The following HAS3 variants were observed in gnomAD, a reference collection of about 807,000 sequenced individuals.
The protein encoded by HAS3 is hyaluronan synthase 3.
Under a neutral mutation model 50.3 loss-of-function variants are expected in HAS3, and 27 were observed. That is an observed-to-expected ratio of 0.54 (90% confidence interval 0.40 to 0.74). HAS3 has a LOEUF of 0.74. Among genes scored for constraint, HAS3 ranks in the 30% least tolerant of loss-of-function variants. HAS3 has a pLI of 0.00. For synonymous variants in HAS3, 339 were observed against 310.9 expected (o/e 1.09, Z -0.95); for missense variants, 517 against 742.8 (o/e 0.70, Z 3.53).
upstream of HAS3, among the ~76,000 whole-genome samples, chr16:69,105,135 G>A (rs1424909508): frequency 1.3e-5 from 2 of 150,952 alleles, no homozygotes; most frequent in African/African-American, 4.9e-5. Context: ...AGCCTCCCGA[G>A]TAGCTGGGAT....
At position 69,115,466 on chromosome 16, in the gene HAS3, G is replaced by A. The variant is rs573901082; in HGVS notation, c.*200G>A. 2.0e-5 allele frequency: 26 copies of A among 1,281,026 alleles called. No homozygotes were observed. In the African/African-American group the frequency reaches 3.6e-4, roughly 18 times the overall value. The allele number at this position is 1,281,026 out of a possible 1,614,324, so 79.4% of individuals were successfully genotyped here. A position where few individuals can be genotyped will look rare whatever the true frequency, so the allele number is the denominator to read the frequency against. On this transcript the variant is annotated 3_prime_UTR_variant, in exon 4 of 4. Transcript: ENST00000569188. Reference sequence around the variant, plus strand: ...TAGAGGAGGCAACACTGATCCCCCAGATGCAGGGCTGCAGGGGATTCTGTG... The same window carrying A: ...TAGAGGAGGCAACACTGATCCCCCAAATGCAGGGCTGCAGGGGATTCTGTG...
chr16:69,115,084 G>A lies in HAS3; in HGVS notation c.1480G>A (p.Gly494Arg). The change falls in exon 4 of 4, where the codon GGG (glycine) becomes AGG (arginine). Residue 494 changes from glycine (G) to arginine (R), a missense_variant. Physicochemically the swap from Gly to Arg is moderately radical, Grantham distance 125. Coordinates refer to ENST00000569188, the MANE Select transcript of HAS3 (RefSeq NM_001199280.2). ...CATCTGGGTGGCAGTTCTCCTGGGAGGGCTGGCCTACACAGCTTATTGCCA... is the reference window on the plus strand; with the variant it reads ...CATCTGGGTGGCAGTTCTCCTGGGAAGGCTGGCCTACACAGCTTATTGCCA... The part of the protein sequence containing the change: ...VSIWVAVLLG[G>R]LAYTAYCQDL... 6.2e-7 allele frequency: 1 copy of A among 1,613,452 alleles called. No individual in the cohort carries two copies.
chr16:69,098,379 A>C, the HAS3 span, among the ~76,000 whole-genome samples: 1 of 152,022 alleles, frequency 6.6e-6, no homozygotes, highest in Non-Finnish European at 1.5e-5. Context: ...TCAAAAAAAA[A>C]AAAGGAAATC....
At chr16:69,102,434 G>A (rs1343861512), upstream of HAS3, among the ~76,000 whole-genome samples, 1 of 152,142 alleles carries the variant, frequency 6.6e-6, no homozygotes, top group Non-Finnish European at 1.5e-5. Context: ...CCACCTCCCC[G>A]TGAAGGGATG....
At position 69,115,149 on chromosome 16, in the gene HAS3, T is replaced by C. The variant is rs748064844; in HGVS notation, c.1545T>C (p.Ser515=). 5 of 1,609,160 alleles carry C rather than the reference T, an allele frequency of 3.1e-6. No individual in the cohort carries two copies. In the East Asian group the frequency reaches 6.7e-5, roughly 22 times the overall value. ...AGACAGAGCTAGCCTTCCTTGTCTC[T>C]GGGGCTATACTGTATGGCTGCTACT... The part of the protein sequence containing the change: ...FSETELAFLV[S]GAILYGCYWV... Residue 515 remains serine (S), a synonymous_variant, in exon 4 of 4, where the codon TCT becomes TCC. Transcript: ENST00000569188.
At position 69,105,792 on chromosome 16, in the gene HAS3, G is replaced by A. The variant is rs1318686171; in HGVS notation, c.-1+5G>A. On this transcript the variant is annotated splice_donor_5th_base_variant and intron_variant, in intron 1 of 3. Transcript: ENST00000569188. ...TCAGCTCGCCTTCCTTGCAGGGTGA[G>A]TAGGTTTTGCGGGTTAGAGAGCGGG... 1 of 152,300 alleles carries A rather than the reference G, an allele frequency of 6.6e-6. No homozygotes were observed. Among genetic ancestry groups the A allele is most frequent in the Admixed American group, 6.5e-5 (1 of 15,286 alleles). 9.4% of individuals were successfully genotyped at this position (152,300 alleles called of 1,614,324 possible).
the HAS3 span, among the ~76,000 whole-genome samples, chr16:69,090,428 GGA>G: frequency 6.6e-6 from 1 of 150,918 alleles, no homozygotes; most frequent in Non-Finnish European, 1.5e-5. Flanking sequence ...CTTTTTTTTT[GGA>G]GACAGTCTCT....
Position 69,117,640 on chromosome 16 carries a change from G to T in HAS3, c.*2374G>T. ...TACTGCACTTATTTGTCAAAATAAA[G>T]ATTCTCACATATGCCGGTTATCTCG... On this transcript the variant is annotated 3_prime_UTR_variant, in exon 4 of 4. Transcript: ENST00000569188. 1 of 913,988 alleles carries T rather than the reference G, an allele frequency of 1.1e-6. No individual in the cohort carries two copies. The highest frequency in any genetic ancestry group is 1.3e-6 in the Non-Finnish European group (1 of 767,630). The allele number at this position is 913,988 out of a possible 1,614,324, so 56.6% of individuals were successfully genotyped here. A position where few individuals can be genotyped will look rare whatever the true frequency, so the allele number is the denominator to read the frequency against.
chr16:69,113,483 G>A lies in HAS3; in HGVS notation c.679G>A (p.Glu227Lys), dbSNP rs759942773. 6 of 1,613,834 alleles carry A rather than the reference G, an allele frequency of 3.7e-6. No individual in the cohort carries two copies. Among genetic ancestry groups the A allele is most frequent in the Admixed American group, 1.7e-5 (1 of 60,016 alleles). Residue 227 changes from glutamate (E) to lysine (K), a missense_variant, in exon 3 of 4, where the codon GAG becomes AAG. Physicochemically the swap from Glu to Lys is moderately conservative, Grantham distance 56 (BLOSUM62 1). Coordinates refer to ENST00000569188, the MANE Select transcript of HAS3 (RefSeq NM_001199280.2). ...DTVLDPACTI[E>K]MLRVLEEDPQ... ...TGTGCTGGATCCAGCCTGCACCATC[G>A]AGATGCTTCGAGTCCTGGAGGAGGA...
At position 69,117,438 on chromosome 16, in the gene HAS3, TCTTCAG is replaced by T; in HGVS notation, c.*2176_*2181del. 1 of 985,826 alleles carries T rather than the reference TCTTCAG, an allele frequency of 1.0e-6. No homozygotes were observed. The allele number at this position is 985,826 out of a possible 1,614,324, so 61.1% of individuals were successfully genotyped here. A position where few individuals can be genotyped will look rare whatever the true frequency, so the allele number is the denominator to read the frequency against. ...TTTTCAGCAGCAAAACCAAACTGGGTCTTCAGCTTTATCCCCGTTTCTTGCAAGGGA... is the reference window on the plus strand; with the variant it reads ...TTTTCAGCAGCAAAACCAAACTGGGTCTTTATCCCCGTTTCTTGCAAGGGA... On this transcript the variant is annotated 3_prime_UTR_variant, in exon 4 of 4. Transcript: ENST00000569188.
At chr16:69,118,115 C>T, downstream of HAS3, 1 of 527,604 alleles carries the variant, frequency 1.9e-6, no homozygotes, top group Non-Finnish European at 3.4e-6. Context: ...TGATTTCTTC[C>T]CTTCATCCCC....
the HAS3 span, among the ~76,000 whole-genome samples, chr16:69,100,623 A>G: frequency 1.3e-5 from 2 of 152,178 alleles, no homozygotes; most frequent in African/African-American, 4.8e-5. Context: ...GCCACTCACT[A>G]GGAGACAGCG....
rs1960808512 is a variant in HAS3 at position 69,106,680 on chromosome 16, G to C, written c.-1+893G>C. The C allele has an allele frequency of 6.6e-6, 1 of 152,180 alleles. No individual in the cohort carries two copies. The highest frequency in any genetic ancestry group is 1.5e-5 in the Non-Finnish European group (1 of 68,044). The allele number at this position is 152,180 out of a possible 1,614,324, so 9.4% of individuals were successfully genotyped here. ...GGTACCCCTCCCCCGCACCTTCTAC[G>C]ACCTCCCGGGGGTTTGCACCTGTCC... is the stretch of plus-strand genomic sequence containing the variant. On this transcript the variant is annotated intron_variant, in intron 1 of 3. Transcript: ENST00000569188. The surrounding 1 kb of genome is among the most constrained non-coding windows in gnomAD (Gnocchi z 5.5).
At chr16:69,094,413 A>G in the HAS3 span, among the ~76,000 whole-genome samples, 1 of 152,202 alleles carries the variant, frequency 6.6e-6, no homozygotes, top group Non-Finnish European at 1.5e-5. Context: ...TTAATCCTAG[A>G]GAAAGGCCAG....
chr16:69,101,189 T>C (rs1960693241), upstream of HAS3, among the ~76,000 whole-genome samples: 1 of 152,202 alleles, frequency 6.6e-6, no homozygotes, highest in Non-Finnish European at 1.5e-5. Flanking sequence ...ATTTGGTCAC[T>C]CCAAGTCCTC....
Position 69,113,501 on chromosome 16 carries a change from G to A in HAS3, c.697G>A (p.Glu233Lys), listed in dbSNP as rs763059538. The change falls in exon 3 of 4, where the codon GAG becomes AAG. Residue 233 changes from glutamate to lysine, a missense_variant. Physicochemically the swap from Glu to Lys is moderately conservative, Grantham distance 56 (BLOSUM62 1). Transcript: ENST00000569188. ...CACCATCGAGATGCTTCGAGTCCTGGAGGAGGATCCCCAAGTAGGGGGAGT... is the reference window on the plus strand; with the variant it reads ...CACCATCGAGATGCTTCGAGTCCTGAAGGAGGATCCCCAAGTAGGGGGAGT... ...ACTIEMLRVL[E>K]EDPQVGGVGG... 6.2e-7 allele frequency: 1 copy of A among 1,613,512 alleles called. No individual in the cohort carries two copies. The highest frequency in any genetic ancestry group is 8.5e-7 in the Non-Finnish European group (1 of 1,179,588).
chr16:69,093,577 C>T, the HAS3 span, among the ~76,000 whole-genome samples: 2 of 124,058 alleles, frequency 1.6e-5, no homozygotes, highest in South Asian at 5.2e-4. Context: ...GTTGTCCAGG[C>T]TGGAGTGCAA....
In HAS3 at chr16:69,117,153, C is replaced by A; in HGVS notation, c.*1887C>A. 1 of 985,820 alleles carries A rather than the reference C, an allele frequency of 1.0e-6. No individual in the cohort carries two copies. The highest frequency in any genetic ancestry group is 1.2e-6 in the Non-Finnish European group (1 of 829,926). The allele number at this position is 985,820 out of a possible 1,614,324, so 61.1% of individuals were successfully genotyped here. A position where few individuals can be genotyped will look rare whatever the true frequency, so the allele number is the denominator to read the frequency against. On this transcript the variant is annotated 3_prime_UTR_variant, in exon 4 of 4. Coordinates refer to ENST00000569188, the MANE Select transcript of HAS3 (RefSeq NM_001199280.2). Reference sequence around the variant, plus strand: ...TGATCCAGGCAATCGTTCTGCTGGCCAAGAAGTTAAACTATTTTGAGCATT... The same window carrying A: ...TGATCCAGGCAATCGTTCTGCTGGCAAAGAAGTTAAACTATTTTGAGCATT...
In HAS3 at chr16:69,114,245, C is replaced by T. The variant is rs1411132324; in HGVS notation, c.739-98C>T. ...AACCGATGGCCAGGAATCTAAGCAG[C>T]GGGCCACAGAAGCCATGGTAAGGAG... On this transcript the variant is annotated intron_variant, in intron 3 of 3. Coordinates refer to ENST00000569188, the MANE Select transcript of HAS3 (RefSeq NM_001199280.2). This position sits in a 1 kb window ranked among gnomAD's most constrained non-coding sequence, Gnocchi z 6.4. The T allele has an allele frequency of 2.0e-5, 30 of 1,495,922 alleles. No homozygotes were observed. The highest frequency in any genetic ancestry group is 5.4e-5 in the South Asian group (4 of 73,978). 92.7% of individuals were successfully genotyped at this position (1,495,922 alleles called of 1,614,324 possible). A position where few individuals can be genotyped will look rare whatever the true frequency, so the allele number is the denominator to read the frequency against.
Sources: allele counts gnomAD v4.1 joint callset (sites outside exome capture counted in the v4.1 genomes callset), GRCh38; gene constraint gnomAD v4.1.1; non-coding constraint Gnocchi (gnomAD v3.1); transcripts MANE v1.5; gene names NCBI Gene and HGNC (gene_info 2026-07-23, HGNC 2026-07-21).